CD109: variants seen among roughly 807,000 people sequenced by gnomAD.
CD109 encodes CD109 antigen.
Under a neutral mutation model 165.8 loss-of-function variants are expected in CD109, and 149 were observed. That is an observed-to-expected ratio of 0.90 (90% confidence interval 0.79 to 1.03). The LOEUF (loss-of-function observed/expected upper bound fraction) is 1.03. Among genes scored for constraint, CD109 ranks in the 50% least tolerant of loss-of-function variants. The pLI is 0.00. For synonymous variants in CD109, 585 were observed against 592.1 expected (o/e 0.99, Z 0.18); for missense variants, 1,712 against 1,677.8 (o/e 1.02, Z -0.36).
chr6:73,761,014 AAC>A (rs577598100), intron 7 of CD109, among the ~76,000 whole-genome samples: 6,451 of 124,218 alleles, frequency 0.052, 203 homozygotes, highest in African/African-American at 0.081. Context: ...ACTGTGTCTA[AAC>A]ACACACACAC....
At chr6:73,812,178 C>T (rs996088796) in intron 28 of CD109, 27 bp from the exon 29 acceptor site, 2 of 1,521,562 alleles carry the variant, frequency 1.3e-6, no homozygotes, top group African/African-American at 2.7e-5. Flanking sequence ...AAATTAGCCT[C>T]ATTCACTTTT....
At chr6:73,778,103 C>G (rs1229110881) in intron 15 of CD109, among the ~76,000 whole-genome samples, 1 of 152,074 alleles carries the variant, frequency 6.6e-6, no homozygotes, top group East Asian at 1.9e-4. Flanking sequence ...GTTTGTAGTT[C>G]TCCTTGTAGA....
intron 21 of CD109, 91 bp from the exon 22 acceptor site, chr6:73,788,377 A>G (rs1481418148): frequency 9.0e-7 from 1 of 1,114,336 alleles, no homozygotes; most frequent in Non-Finnish European, 1.3e-6. Flanking sequence ...CTCAGACACA[A>G]CAGGTCAGAT....
the CD109 span, among the ~76,000 whole-genome samples, chr6:73,680,795 T>G: frequency 6.6e-6 from 1 of 152,190 alleles, no homozygotes; most frequent in Non-Finnish European, 1.5e-5. Context: ...TCTTCCCTTC[T>G]TGGGTGTCGT....
intron 20 of CD109, among the ~76,000 whole-genome samples, chr6:73,786,345 A>G (rs776403707): frequency 2.6e-5 from 4 of 152,324 alleles, no homozygotes; most frequent in Admixed American, 6.5e-5. Context: ...TACATGGATG[A>G]AAATGACATG....
At chr6:73,737,263 T>C (rs1196111109) in intron 5 of CD109, among the ~76,000 whole-genome samples, 1 of 152,220 alleles carries the variant, frequency 6.6e-6, no homozygotes, top group African/African-American at 2.4e-5. Flanking sequence ...TAATATGAAA[T>C]GCATGAAATT....
chr6:73,776,373 CT>C (rs1774242557), intron 15 of CD109, among the ~76,000 whole-genome samples: 1 of 151,936 alleles, frequency 6.6e-6, no homozygotes, highest in Non-Finnish European at 1.5e-5. Context: ...CTGCCTCAGC[CT>C]CCCGAGTAGC....
intron 2 of CD109, among the ~76,000 whole-genome samples, chr6:73,722,380 A>C (rs1771988882): frequency 6.6e-6 from 1 of 152,174 alleles, no homozygotes; most frequent in Non-Finnish European, 1.5e-5. Flanking sequence ...TGAGCTAGAG[A>C]ATCAGGTAAT....
At chr6:73,783,283 T>C (rs1774572620) in intron 18 of CD109, among the ~76,000 whole-genome samples, 1 of 152,168 alleles carries the variant, frequency 6.6e-6, no homozygotes, top group South Asian at 2.1e-4. Flanking sequence ...AGTCAGCTGT[T>C]TAAAGATACT....
the CD109 span, among the ~76,000 whole-genome samples, chr6:73,687,299 T>C: frequency 6.6e-6 from 1 of 152,038 alleles, no homozygotes; most frequent in Non-Finnish European, 1.5e-5. Flanking sequence ...CAAAAGTGAA[T>C]AACTAAAAAA....
chr6:73,818,676 A>G (rs971568873), intron 31 of CD109, 141 bp downstream of exon 31: 3 of 718,370 alleles, frequency 4.2e-6, no homozygotes, highest in Non-Finnish European at 6.7e-6. Flanking sequence ...CATGGCAACC[A>G]TATATTTATC....
At chr6:73,788,962 T>C (rs9447025) in intron 22 of CD109, among the ~76,000 whole-genome samples, 58,585 of 152,018 alleles carry the variant, frequency 0.39, 11,605 homozygotes, top group African/African-American at 0.47. Context: ...CTCACTATAC[T>C]GTGGCTGGAG....
chr6:73,791,763 T>A (rs775967911), intron 22 of CD109, among the ~76,000 whole-genome samples: 24 of 152,324 alleles, frequency 1.6e-4, no homozygotes, highest in Non-Finnish European at 2.9e-4. Context: ...ACCTCTATTT[T>A]TTTCTTTGTA....
At chr6:73,765,735 A>C (rs1370139905) in intron 10 of CD109, among the ~76,000 whole-genome samples, 195 bp from the exon 11 acceptor site, 1 of 152,194 alleles carries the variant, frequency 6.6e-6, no homozygotes, top group Admixed American at 6.5e-5. Context: ...GCGGAAGTTA[A>C]GGGAATCCAT....
At chr6:73,696,391 CG>C (rs1770843772) in intron 1 of CD109, 102 bp downstream of exon 1, 6 of 1,021,150 alleles carry the variant, frequency 5.9e-6, no homozygotes, top group Non-Finnish European at 7.8e-6. Flanking sequence ...TGTGCAGCAG[CG>C]GGTGGGAAAT....
Position 73,780,546 on chromosome 6 carries a change from T to G in CD109, c.1902+48T>G. The G allele has an allele frequency of 3.3e-6, 4 of 1,206,406 alleles. No individual in the cohort carries two copies. In the Middle Eastern group the frequency reaches 5.8e-4, roughly 176 times the overall value. The allele number at this position is 1,206,406 out of a possible 1,614,324, so 74.7% of individuals were successfully genotyped here. On this transcript the variant is annotated intron_variant, in intron 16 of 32. Transcript: ENST00000287097. Reference sequence around the variant, plus strand: ...AAAAGATATTAATATTTTTTACTATTGCAAACCCTTTCAGAATTAGTGATC... The same window carrying G: ...AAAAGATATTAATATTTTTTACTATGGCAAACCCTTTCAGAATTAGTGATC...
the CD109 span, among the ~76,000 whole-genome samples, chr6:73,687,136 T>C: frequency 6.6e-6 from 1 of 152,256 alleles, no homozygotes; most frequent in Non-Finnish European, 1.5e-5. Flanking sequence ...GATATGGTGC[T>C]ATTCTAACAT....
At chr6:73,690,549 G>A in the CD109 span, among the ~76,000 whole-genome samples, 28,824 of 152,004 alleles carry the variant, frequency 0.19, 3,348 homozygotes, top group Non-Finnish European at 0.25. Flanking sequence ...TTACAGGCAT[G>A]TGCCACCACG....
chr6:73,793,947 A>G (rs2150272501), intron 23 of CD109, among the ~76,000 whole-genome samples: 1 of 152,316 alleles, frequency 6.6e-6, no homozygotes, highest in Middle Eastern at 3.4e-3. Context: ...TTTTTTTATA[A>G]CAAATGGATT....
Sources: gnomAD v4.1 joint callset for allele counts (sites outside exome capture counted in the v4.1 genomes callset) on GRCh38, gnomAD v4.1.1 for gene constraint, MANE v1.5 for transcripts, NCBI Gene and HGNC (gene_info 2026-07-23, HGNC 2026-07-21) for gene names.